EMB: variants seen among roughly 807,000 people sequenced by gnomAD.
The protein encoded by EMB is embigin homolog.
Under a neutral mutation model 41.4 loss-of-function variants are expected in EMB, and 31 were observed. The observed-to-expected ratio is 0.75, with a 90% CI of 0.56 to 1.01. The LOEUF (loss-of-function observed/expected upper bound fraction) is 1.01. Ranked by LOEUF, EMB falls within the 50% of genes least tolerant of loss-of-function variation. The probability of loss-of-function intolerance (pLI) is 0.00; values close to 1 mark genes in which losing one functional copy is unlikely to be tolerated. For synonymous variants in EMB, 137 were observed against 140.4 expected (o/e 0.98, Z 0.17); for missense variants, 379 against 388.3 (o/e 0.98, Z 0.20).
At chr5:50,439,894 G>T (rs1289121568) in intron 1 of EMB, among the ~76,000 whole-genome samples, 1 of 152,090 alleles carries the variant, frequency 6.6e-6, no homozygotes, top group Non-Finnish European at 1.5e-5. Context: ...CAGCTTGAGA[G>T]GTGGTCTTTT....
At chr5:50,414,297 G>T (rs1745392740) in intron 2 of EMB, among the ~76,000 whole-genome samples, 1 of 152,024 alleles carries the variant, frequency 6.6e-6, no homozygotes, top group African/African-American at 2.4e-5. Flanking sequence ...ACTGAGGTGT[G>T]TGGGATTGCT....
intron 1 of EMB, among the ~76,000 whole-genome samples, chr5:50,429,944 C>T (rs1461094964): frequency 6.6e-6 from 1 of 150,898 alleles, no homozygotes; most frequent in African/African-American, 2.5e-5. Flanking sequence ...TCTTCCTCTT[C>T]CCTCTCACCC....
chr5:50,409,983 G>A (rs985583052), intron 4 of EMB, among the ~76,000 whole-genome samples: 3 of 152,084 alleles, frequency 2.0e-5, no homozygotes, highest in African/African-American at 7.2e-5. Context: ...GAGGGACACA[G>A]GAGTGAACCA....
chr5:50,418,887 C>A (rs1172992641), intron 2 of EMB, among the ~76,000 whole-genome samples: 2 of 152,150 alleles, frequency 1.3e-5, no homozygotes, highest in Non-Finnish European at 1.5e-5. Context: ...GATCATTAAC[C>A]TAATCCATAT....
At chr5:50,414,528 C>CAAAAAA (rs34645448) in intron 2 of EMB, among the ~76,000 whole-genome samples, 1 of 46,690 alleles carries the variant, frequency 2.1e-5, no homozygotes, top group Non-Finnish European at 4.1e-5. Context: ...CTGTCTCAGG[C>CAAAAAA]AAAAAAAAAA....
intron 5 of EMB, among the ~76,000 whole-genome samples, chr5:50,405,462 GTAAT>G (rs1745232513): frequency 6.6e-6 from 1 of 151,836 alleles, no homozygotes; most frequent in Admixed American, 6.6e-5. Context: ...TTCAAAGAAT[GTAAT>G]TAAATTGTTA....
intron 2 of EMB, among the ~76,000 whole-genome samples, chr5:50,424,355 CAGTA>C (rs1300325996): frequency 6.6e-6 from 1 of 152,070 alleles, no homozygotes; most frequent in Non-Finnish European, 1.5e-5. Flanking sequence ...AACAAAAATA[CAGTA>C]AATACATATC....
chr5:50,407,888 A>G (rs931710520), intron 4 of EMB, among the ~76,000 whole-genome samples: 2 of 151,996 alleles, frequency 1.3e-5, no homozygotes, highest in Non-Finnish European at 2.9e-5. Context: ...TGAAAGTAAC[A>G]GCTCTCTGGA....
At position 50,398,471 on chromosome 5, in the gene EMB, AGCATCAGTG is replaced by A. The variant is rs1354080700; in HGVS notation, c.*793_*801del. On this transcript the variant is annotated 3_prime_UTR_variant, in exon 9 of 9. Coordinates refer to ENST00000303221, the MANE Select transcript of EMB (RefSeq NM_198449.3). ...GAACCAGGAAACCATGAGCCACAAA[AGCATCAGTG>A]TAGCAGTGTTTTAAGTATTACGACT... is the stretch of plus-strand genomic sequence containing the variant. 6.6e-6 allele frequency: 1 copy of A among 151,994 alleles called. No individual in the cohort carries two copies. Among genetic ancestry groups the A allele is most frequent in the African/African-American group, 2.4e-5 (1 of 41,410 alleles). 9.4% of individuals were successfully genotyped at this position (151,994 alleles called of 1,614,324 possible).
chr5:50,419,548 T>TACACACACACAC (rs58712109), intron 2 of EMB, among the ~76,000 whole-genome samples: 2,145 of 147,196 alleles, frequency 0.015, 45 homozygotes, highest in African/African-American at 0.044. Context: ...CACACACACA[T>TACACACACACAC]ACACACACAC....
At chr5:50,439,706 A>G (rs1579748405) in intron 1 of EMB, among the ~76,000 whole-genome samples, 1 of 152,098 alleles carries the variant, frequency 6.6e-6, no homozygotes, top group African/African-American at 2.4e-5. Flanking sequence ...TAACAACTAG[A>G]CGTTTTAAAA....
At position 50,403,422 on chromosome 5, in the gene EMB, C is replaced by A. The variant is rs370527951; in HGVS notation, c.633G>T (p.Val211=). 3.6e-5 allele frequency: 58 copies of A among 1,612,342 alleles called. No individual in the cohort carries two copies. Among genetic ancestry groups the A allele is most frequent in the Non-Finnish European group, 4.7e-5 (55 of 1,178,942 alleles). The part of the protein sequence containing the change: ...VPVGVQMNKY[V]INGTYANETK... ...TTTCGTTAGCATATGTTCCATTGATCACATATTTATTCATTTGAACACCAA... is the reference window on the plus strand; with the variant it reads ...TTTCGTTAGCATATGTTCCATTGATAACATATTTATTCATTTGAACACCAA... The change falls in exon 6 of 9, where the codon GTG becomes GTT. Residue 211 remains valine, a synonymous_variant. Coordinates refer to ENST00000303221, the MANE Select transcript of EMB (RefSeq NM_198449.3).
chr5:50,424,137 C>T (rs192712296), intron 2 of EMB, among the ~76,000 whole-genome samples: 14 of 152,222 alleles, frequency 9.2e-5, no homozygotes, highest in East Asian at 5.8e-4. Context: ...TATCAGTTAA[C>T]GGGTTTCATG....
chr5:50,426,515 A>G (rs1304276208), intron 2 of EMB, among the ~76,000 whole-genome samples: 1 of 152,216 alleles, frequency 6.6e-6, no homozygotes, highest in African/African-American at 2.4e-5. Context: ...TTGGATAAGT[A>G]TGTATGTCAA....
chr5:50,411,945 G>A (rs1745345430), intron 2 of EMB: 1 of 152,080 alleles, frequency 6.6e-6, no homozygotes, highest in Non-Finnish European at 1.5e-5. Flanking sequence ...ATTTAAATAA[G>A]CATCCAGTAG....
chr5:50,439,753 ATCCT>A (rs1285632286), intron 1 of EMB, among the ~76,000 whole-genome samples: 5 of 152,216 alleles, frequency 3.3e-5, no homozygotes, highest in Non-Finnish European at 7.3e-5. Context: ...CCTTTTGATT[ATCCT>A]TCCTTCTCTA....
At chr5:50,430,665 T>C (rs1745705996) in intron 1 of EMB, among the ~76,000 whole-genome samples, 1 of 152,146 alleles carries the variant, frequency 6.6e-6, no homozygotes, top group African/African-American at 2.4e-5. Context: ...AACTATGCAT[T>C]AATATATAAC....
chr5:50,412,984 A>T (rs1745368352), intron 2 of EMB, among the ~76,000 whole-genome samples: 1 of 150,458 alleles, frequency 6.6e-6, no homozygotes. Flanking sequence ...AAGAGCCTCT[A>T]CTTGTCTTTT....
chr5:50,400,390 T>C (rs902618390), intron 7 of EMB, among the ~76,000 whole-genome samples: 2 of 151,970 alleles, frequency 1.3e-5, no homozygotes, highest in Non-Finnish European at 2.9e-5. Context: ...GGAAACTAAA[T>C]AACCAGTATG....
Sources: gnomAD v4.1 joint callset for allele counts (sites outside exome capture counted in the v4.1 genomes callset) on GRCh38, gnomAD v4.1.1 for gene constraint, MANE v1.5 for transcripts, NCBI Gene and HGNC (gene_info 2026-07-23, HGNC 2026-07-21) for gene names.